WWOX: variants seen among roughly 807,000 people sequenced by gnomAD.
WWOX encodes the protein WW domain containing oxidoreductase.
WWOX carries 69 observed loss-of-function variants against 46.2 expected under a neutral mutation model. The ratio of observed to expected loss-of-function variants is 1.49; its 90% CI spans 1.23 to 1.82. The LOEUF (loss-of-function observed/expected upper bound fraction) is 1.82. Among genes scored for constraint, WWOX ranks in the 40% most tolerant of loss-of-function variants. The pLI, the probability that WWOX is intolerant of heterozygous loss-of-function variation, is 0.00. For missense variants in WWOX, 919 were observed against 542.6 expected, an observed-to-expected ratio of 1.69 and a Z score of -6.89; for synonymous variants, 359 against 202.6, an observed-to-expected ratio of 1.77 and a Z score of -6.56.
At chr16:78,354,530 C>G (rs577563950) in intron 5 of WWOX, among the ~76,000 whole-genome samples, 1 of 152,172 alleles carries the variant, frequency 6.6e-6, no homozygotes, top group East Asian at 1.9e-4. Context: ...GAAAACATTT[C>G]TAGTTTAGAA....
At chr16:78,880,045 G>A (rs574675074) in intron 8 of WWOX, among the ~76,000 whole-genome samples, 25 of 152,300 alleles carry the variant, frequency 1.6e-4, no homozygotes, top group African/African-American at 5.8e-4. Flanking sequence ...AAGTAAAAGA[G>A]TGAAAACAGA....
intron 5 of WWOX, among the ~76,000 whole-genome samples, chr16:78,359,785 A>T (rs2081370672): frequency 6.6e-6 from 1 of 152,226 alleles, no homozygotes; most frequent in Non-Finnish European, 1.5e-5. Flanking sequence ...TGAGAAACAC[A>T]CAAGGCATGA....
At chr16:78,170,844 A>C (rs1409010595) in intron 5 of WWOX, among the ~76,000 whole-genome samples, 1 of 151,396 alleles carries the variant, frequency 6.6e-6, no homozygotes, top group Non-Finnish European at 1.5e-5. Context: ...GATGAGGGGT[A>C]AAAATAAAAG....
chr16:79,204,081 T>G (rs570787354), intron 8 of WWOX: 7 of 152,118 alleles, frequency 4.6e-5, no homozygotes, highest in Non-Finnish European at 1.0e-4. Flanking sequence ...CTTATTTTGT[T>G]GGCAAATTTC....
intron 8 of WWOX, among the ~76,000 whole-genome samples, chr16:78,969,746 C>G (rs979971514): frequency 2.6e-5 from 4 of 152,216 alleles, no homozygotes; most frequent in Non-Finnish European, 2.9e-5. Flanking sequence ...AAGCCAGTCA[C>G]AAAGGACCCT....
chr16:79,015,454 C>G (rs1362057142), intron 8 of WWOX, among the ~76,000 whole-genome samples: 1 of 152,146 alleles, frequency 6.6e-6, no homozygotes, highest in African/African-American at 2.4e-5. Context: ...AAGAGTTAAC[C>G]TGAGTGTCTG....
rs1003446816 is a variant in WWOX, at chr16:78,115,317, T to C, written c.409+163T>C. On this transcript the variant is annotated intron_variant, in intron 4 of 8. Coordinates refer to ENST00000566780, the MANE Select transcript of WWOX (RefSeq NM_016373.4). ...ATCACTACCTCTTTTTAAATCCTAA[T>C]GTTGTCATGGAAGCCTGTGTAGGGG... Among the ~76,000 whole-genome samples, 5 of 152,218 alleles carry C rather than the reference T, an allele frequency of 3.3e-5. No individual in the cohort carries two copies. In the East Asian group the frequency reaches 9.6e-4, roughly 29 times the overall value.
At chr16:78,825,010 T>C (rs375724272) in intron 8 of WWOX, among the ~76,000 whole-genome samples, 2 of 152,192 alleles carry the variant, frequency 1.3e-5, no homozygotes, top group East Asian at 3.9e-4. Flanking sequence ...AACAAAGTGC[T>C]CTGTGGTTTC....
At position 79,212,122 on chromosome 16, in the gene WWOX, T is replaced by A. The variant is rs1156409081; in HGVS notation, c.*326T>A. ...AGCAATTCTCTTTCTTTTACTGTTATAGAATAGCCTGAGGTCCCCTCGTCC... is the reference window on the plus strand; with the variant it reads ...AGCAATTCTCTTTCTTTTACTGTTAAAGAATAGCCTGAGGTCCCCTCGTCC... On this transcript the variant is annotated 3_prime_UTR_variant, in exon 9 of 9. Coordinates refer to ENST00000566780, the MANE Select transcript of WWOX (RefSeq NM_016373.4). 1.3e-6 allele frequency: 2 copies of A among 1,533,000 alleles called. No homozygotes were observed. Among genetic ancestry groups the A allele is most frequent in the Non-Finnish European group, 8.7e-7 (1 of 1,145,110 alleles). The allele number at this position is 1,533,000 out of a possible 1,614,324, so 95.0% of individuals were successfully genotyped here. A position where few individuals can be genotyped will look rare whatever the true frequency, so the allele number is the denominator to read the frequency against.
At chr16:78,780,029 C>T (rs1018182837) in intron 8 of WWOX, among the ~76,000 whole-genome samples, 3 of 152,160 alleles carry the variant, frequency 2.0e-5, no homozygotes, top group Non-Finnish European at 2.9e-5. Context: ...TGGCAGTACC[C>T]AGTAGAAGCC....
At chr16:78,494,194 A>G (rs942631141) in intron 8 of WWOX, among the ~76,000 whole-genome samples, 2 of 152,046 alleles carry the variant, frequency 1.3e-5, no homozygotes, top group African/African-American at 4.8e-5. Context: ...TCTCAGGAGA[A>G]CTCTTTCACA....
chr16:78,175,029 TAAG>T (rs67529397), intron 5 of WWOX, among the ~76,000 whole-genome samples: 1,876 of 129,732 alleles, frequency 0.014, 41 homozygotes, highest in African/African-American at 0.05. Context: ...ATAATAATAA[TAAG>T]AATCTGACTA....
chr16:78,506,334 C>T (rs1215020972), intron 8 of WWOX, among the ~76,000 whole-genome samples: 1 of 152,188 alleles, frequency 6.6e-6, no homozygotes, highest in Non-Finnish European at 1.5e-5. Flanking sequence ...GTGACTTAGC[C>T]ACTCTATAAA....
At chr16:78,140,364 T>C (rs2151706647) in intron 4 of WWOX, among the ~76,000 whole-genome samples, 1 of 152,296 alleles carries the variant, frequency 6.6e-6, no homozygotes, top group African/African-American at 2.4e-5. Flanking sequence ...CCTTTTCTGC[T>C]GTGGTATTAG....
chr16:78,812,641 A>T (rs1567577286), intron 8 of WWOX, among the ~76,000 whole-genome samples: 1 of 151,882 alleles, frequency 6.6e-6, no homozygotes, highest in Non-Finnish European at 1.5e-5. Flanking sequence ...CGCGAGAATC[A>T]CTTGAACCCA....
chr16:78,389,584 C>T (rs1053121996), intron 6 of WWOX, among the ~76,000 whole-genome samples: 1 of 152,106 alleles, frequency 6.6e-6, no homozygotes, highest in African/African-American at 2.4e-5. Context: ...TCAAAGCAGT[C>T]CTTGGGAGTA....
intron 8 of WWOX, among the ~76,000 whole-genome samples, chr16:78,504,733 A>G (rs1285984166): frequency 6.6e-6 from 1 of 152,054 alleles, no homozygotes; most frequent in African/African-American, 2.4e-5. Flanking sequence ...GAGGCTGGTC[A>G]TGGGGCTTGG....
chr16:78,369,773 G>T (rs1210405615), intron 5 of WWOX, among the ~76,000 whole-genome samples: 1 of 152,084 alleles, frequency 6.6e-6, no homozygotes, highest in Non-Finnish European at 1.5e-5. Flanking sequence ...GGATACAGTT[G>T]TGTATAGTAA....
At chr16:78,410,332 T>G (rs1168900385) in intron 6 of WWOX, among the ~76,000 whole-genome samples, 2 of 152,234 alleles carry the variant, frequency 1.3e-5, no homozygotes, top group Admixed American at 1.3e-4. Flanking sequence ...GTCTTACCCT[T>G]GATCACGGTC....
Sources: gnomAD v4.1 joint callset for allele counts (sites outside exome capture counted in the v4.1 genomes callset) on GRCh38, gnomAD v4.1.1 for gene constraint, MANE v1.5 for transcripts, NCBI Gene and HGNC (gene_info 2026-07-23, HGNC 2026-07-21) for gene names.